Variants in KIRREL3 observed in about 807,000 individuals in gnomAD.
KIRREL3 encodes the protein kin of IRRE-like protein 3.
Under a neutral mutation model 89.7 loss-of-function variants are expected in KIRREL3, and 36 were observed. That is an observed-to-expected ratio of 0.40 (90% CI 0.31 to 0.53). The LOEUF (loss-of-function observed/expected upper bound fraction) is 0.53, where lower values mean the gene tolerates loss of function less well. Among genes scored for constraint, KIRREL3 ranks in the 20% least tolerant of loss-of-function variants. The pLI is 0.49. For missense variants in KIRREL3, 864 were observed against 1,056.6 expected (o/e 0.82, Z 2.53); for synonymous variants, 445 against 441.4 (o/e 1.01, Z -0.10).
chr11:126,926,240 A>G (rs996444087), intron 1 of KIRREL3, among the ~76,000 whole-genome samples: 1 of 152,196 alleles, frequency 6.6e-6, no homozygotes, highest in Admixed American at 6.5e-5. Flanking sequence ...TGGATAGACC[A>G]TCTACTTGAT....
At chr11:126,884,890 G>A (rs1371110267) in intron 1 of KIRREL3, among the ~76,000 whole-genome samples, 1 of 152,156 alleles carries the variant, frequency 6.6e-6, no homozygotes, top group Non-Finnish European at 1.5e-5. Context: ...CAATGGAATG[G>A]CTTCCAATTA....
intron 1 of KIRREL3, among the ~76,000 whole-genome samples, chr11:126,732,317 T>C (rs953651277): frequency 2.6e-5 from 4 of 152,248 alleles, no homozygotes; most frequent in Admixed American, 1.3e-4. Context: ...AATTATTGTA[T>C]TGAGCCCGAG....
intron 1 of KIRREL3, among the ~76,000 whole-genome samples, chr11:126,691,160 G>A (rs1187700463): frequency 6.6e-6 from 1 of 152,156 alleles, no homozygotes; most frequent in Non-Finnish European, 1.5e-5. Flanking sequence ...GTTGGAGGGA[G>A]TGTGGATCTG....
Position 126,990,403 on chromosome 11 carries a change from C to T in KIRREL3, c.55+10052G>A, listed in dbSNP as rs1231276190. Among the ~76,000 whole-genome samples, 1 of 152,114 alleles carries T rather than the reference C, an allele frequency of 6.6e-6. No individual in the cohort carries two copies. Among genetic ancestry groups the T allele is most frequent in the Non-Finnish European group, 1.5e-5 (1 of 68,032 alleles). ...GCCGCCATCTGTAACGTTGCCCTCA[C>T]CACCCAGAGGCGAGGAGGAGAGCCC... is the stretch of plus-strand genomic sequence containing the variant. On this transcript the variant is annotated intron_variant, in intron 1 of 16. Coordinates refer to ENST00000525144, the MANE Select transcript of KIRREL3 (RefSeq NM_032531.4). This position sits in a 1 kb window ranked among gnomAD's most constrained non-coding sequence, Gnocchi z 6.3.
intron 1 of KIRREL3, among the ~76,000 whole-genome samples, chr11:126,722,636 C>T (rs115973208): frequency 0.012 from 1,804 of 152,366 alleles, 38 homozygotes; most frequent in African/African-American, 0.04. Context: ...TCTGTAAAGA[C>T]TGGAATGTTT....
In KIRREL3 at chr11:126,897,187, G is replaced by C. The variant is rs984884407; in HGVS notation, c.55+103268C>G. Among the ~76,000 whole-genome samples the C allele has an allele frequency of 6.6e-6, 1 of 152,086 alleles. No individual in the cohort carries two copies. On this transcript the variant is annotated intron_variant, in intron 1 of 16. Transcript: ENST00000525144. The surrounding 1 kb of genome is among the most constrained non-coding windows in gnomAD (Gnocchi z 4.2). ...AGAGGAGCACAGGTGGTCCCATGGGGAAGGGCAGCAATTTGGCCCCAGGAC... is the reference window on the plus strand; with the variant it reads ...AGAGGAGCACAGGTGGTCCCATGGGCAAGGGCAGCAATTTGGCCCCAGGAC...
At chr11:126,505,160 A>G (rs1252352128) in intron 4 of KIRREL3, among the ~76,000 whole-genome samples, 1 of 152,268 alleles carries the variant, frequency 6.6e-6, no homozygotes, top group Admixed American at 6.5e-5. Context: ...TAGCCAGTGC[A>G]ATAAGACAAA....
chr11:126,820,680 G>A (rs1384324585), intron 1 of KIRREL3, among the ~76,000 whole-genome samples: 1 of 152,048 alleles, frequency 6.6e-6, no homozygotes. Context: ...GATGTGGTGG[G>A]AGATAGGACA....
chr11:126,923,041 TTCC>T (rs750666676), intron 1 of KIRREL3, among the ~76,000 whole-genome samples: 7 of 152,162 alleles, frequency 4.6e-5, no homozygotes, highest in African/African-American at 9.7e-5. Flanking sequence ...CCTCCTGGTT[TTCC>T]TCCTCCTTCT....
chr11:126,960,704 C>T (rs753381765), intron 1 of KIRREL3, among the ~76,000 whole-genome samples: 2 of 152,090 alleles, frequency 1.3e-5, no homozygotes, highest in Admixed American at 1.3e-4. Context: ...AACTCCACCC[C>T]TCTCTTTTCT....
intron 1 of KIRREL3, among the ~76,000 whole-genome samples, chr11:126,725,512 A>T (rs1948344441): frequency 6.6e-6 from 1 of 152,182 alleles, no homozygotes; most frequent in South Asian, 2.1e-4. Context: ...CAAAAACATT[A>T]TCATGCCCAT....
At position 126,870,992 on chromosome 11, in the gene KIRREL3, C is replaced by A. The variant is rs763803916; in HGVS notation, c.55+129463G>T. ...CTCCAGAGAAGCAGGTCTGCCCATG[C>A]CCTGGAAGCTGGCTCAGTTTGGGCT... is the stretch of plus-strand genomic sequence containing the variant. On this transcript the variant is annotated intron_variant, in intron 1 of 16. Transcript: ENST00000525144. The surrounding 1 kb of genome is among the most constrained non-coding windows in gnomAD (Gnocchi z 4.4). Among the ~76,000 whole-genome samples, 1 of 152,192 alleles carries A rather than the reference C, an allele frequency of 6.6e-6. No individual in the cohort carries two copies. The highest frequency in any genetic ancestry group is 1.5e-5 in the Non-Finnish European group (1 of 68,028).
intron 1 of KIRREL3, among the ~76,000 whole-genome samples, chr11:126,824,278 C>G (rs1418832999): frequency 1.3e-5 from 2 of 152,212 alleles, no homozygotes; most frequent in African/African-American, 4.8e-5. Flanking sequence ...GACTGAAGGA[C>G]CCTCAGCCTT....
intron 4 of KIRREL3, among the ~76,000 whole-genome samples, chr11:126,505,233 A>T (rs1409627250): frequency 6.6e-6 from 1 of 152,246 alleles, no homozygotes; most frequent in Non-Finnish European, 1.5e-5. Flanking sequence ...ATGCTCCTGT[A>T]TGCAGAAAAT....
In KIRREL3 at chr11:126,431,680, A is replaced by G. The variant is rs977363073; in HGVS notation, c.1589-154T>C. 1.3e-5 allele frequency among the ~76,000 whole-genome samples: 2 copies of G among 152,158 alleles called. No homozygotes were observed. The highest frequency in any genetic ancestry group is 2.9e-5 in the Non-Finnish European group (2 of 68,014). ...GCCTGGGCAGGCACAGGCCGAGTCCAACTGGGGTCAGCTCTAGCTGGGACT... is the reference window on the plus strand; with the variant it reads ...GCCTGGGCAGGCACAGGCCGAGTCCGACTGGGGTCAGCTCTAGCTGGGACT... On this transcript the variant is annotated intron_variant, in intron 13 of 16. Transcript: ENST00000525144. This position sits in a 1 kb window ranked among gnomAD's most constrained non-coding sequence, Gnocchi z 7.1.
chr11:126,593,805 AGGT>A (rs1249905255), intron 1 of KIRREL3, among the ~76,000 whole-genome samples: 4 of 152,184 alleles, frequency 2.6e-5, no homozygotes, highest in Admixed American at 1.3e-4. Context: ...CTGGGAAGCC[AGGT>A]TCTGAGTCAT....
At chr11:126,679,790 A>G (rs2135094260) in intron 1 of KIRREL3, among the ~76,000 whole-genome samples, 1 of 152,308 alleles carries the variant, frequency 6.6e-6, no homozygotes, top group African/African-American at 2.4e-5. Context: ...CCCACTCCAA[A>G]TAGCCGGGGT....
chr11:126,526,519 G>A lies in KIRREL3; in HGVS notation c.283+19C>T, dbSNP rs762205616. The A allele has an allele frequency of 2.0e-5, 32 of 1,602,020 alleles. No homozygotes were observed. The highest frequency in any genetic ancestry group is 2.7e-5 in the Non-Finnish European group (32 of 1,171,038). ...AGTGATGGCCCCAGGCCCACCCCAG[G>A]AGGTCTGGAGGTACTCACTTGAGAG... On this transcript the variant is annotated intron_variant, in intron 3 of 16. Coordinates refer to ENST00000525144, the MANE Select transcript of KIRREL3 (RefSeq NM_032531.4). The surrounding 1 kb of genome is among the most constrained non-coding windows in gnomAD (Gnocchi z 5.7).
Position 126,696,645 on chromosome 11 carries a change from G to A in KIRREL3, c.56-133733C>T, listed in dbSNP as rs1225760374. On this transcript the variant is annotated intron_variant, in intron 1 of 16. Coordinates refer to ENST00000525144, the MANE Select transcript of KIRREL3 (RefSeq NM_032531.4). This position sits in a 1 kb window ranked among gnomAD's most constrained non-coding sequence, Gnocchi z 4.4. ...GAATCCACAGAGGCGCCACAGTACC[G>A]AAAGGGTGGCTCAAACCACATCGCA... 2.0e-5 allele frequency among the ~76,000 whole-genome samples: 3 copies of A among 152,132 alleles called. No homozygotes were observed. Among genetic ancestry groups the A allele is most frequent in the Non-Finnish European group, 2.9e-5 (2 of 68,034 alleles).
Sources: allele counts gnomAD v4.1 joint callset (sites outside exome capture counted in the v4.1 genomes callset), GRCh38; gene constraint gnomAD v4.1.1; non-coding constraint Gnocchi (gnomAD v3.1); transcripts MANE v1.5; gene names NCBI Gene and HGNC (gene_info 2026-07-23, HGNC 2026-07-21).